Variants in UGT2B15 observed in about 807,000 individuals in gnomAD.
UGT2B15 encodes UDP-glucuronosyltransferase 2B15.
In UGT2B15, 36 loss-of-function variants were observed where a neutral mutation model predicts 45.9. The observed-to-expected ratio is 0.78, with a 90% CI of 0.60 to 1.04. The LOEUF (loss-of-function observed/expected upper bound fraction) is 1.04, where lower values mean the gene tolerates loss of function less well. UGT2B15 is among the 50% of genes least tolerant of loss of function. The probability of loss-of-function intolerance (pLI) is 0.00; values close to 1 mark genes in which losing one functional copy is unlikely to be tolerated. For missense variants in UGT2B15, 617 were observed against 622.4 expected, an observed-to-expected ratio of 0.99 and a Z score of 0.09; for synonymous variants, 219 against 216.4, an observed-to-expected ratio of 1.01 and a Z score of -0.11.
intron 2 of UGT2B15, among the ~76,000 whole-genome samples, chr4:68,664,992 C>T (rs1231589075): frequency 6.6e-6 from 1 of 152,130 alleles, no homozygotes; most frequent in Non-Finnish European, 1.5e-5. Flanking sequence ...TGTTTTGTCT[C>T]ATTCACTGCC....
intron 3 of UGT2B15, among the ~76,000 whole-genome samples, chr4:68,655,475 C>T (rs767847150): frequency 2.6e-5 from 4 of 152,050 alleles, no homozygotes; most frequent in Non-Finnish European, 4.4e-5. Context: ...AACCCAAACT[C>T]TATGCTAAAG....
chr4:68,655,049 A>G (rs1031046608), intron 4 of UGT2B15, 46 bp downstream of exon 4: 1 of 1,587,368 alleles, frequency 6.3e-7, no homozygotes, highest in African/African-American at 1.3e-5. Flanking sequence ...TATCACTCCA[A>G]TTTGCTGTTA....
Position 68,670,517 on chromosome 4 carries a change from G to A in UGT2B15, c.102C>T (p.Ser34=), listed in dbSNP as rs1733281290. The A allele has an allele frequency of 6.2e-7, 1 of 1,613,736 alleles. No homozygotes were observed. Among genetic ancestry groups the A allele is most frequent in the Non-Finnish European group, 8.5e-7 (1 of 1,179,944 alleles). The part of the protein sequence containing the change: ...GKVLVWPTEY[S]HWINMKTILE... ...GGATTGTCTTCATATTTATCCAATG[G>A]CTGTATTCTGTGGGCCACACTAGCA... The change falls in exon 1 of 6, where the codon AGC becomes AGT. Residue 34 remains serine (S), a synonymous_variant. Coordinates refer to ENST00000338206, the MANE Select transcript of UGT2B15 (RefSeq NM_001076.4).
At chr4:68,665,753 C>T (rs1043257418) in intron 2 of UGT2B15, among the ~76,000 whole-genome samples, 6 of 152,040 alleles carry the variant, frequency 3.9e-5, no homozygotes, top group Admixed American at 3.9e-4. Context: ...TTCAAGTCTA[C>T]CTTCTGCAAG....
At chr4:68,661,875 G>C (rs5029389) in intron 3 of UGT2B15, among the ~76,000 whole-genome samples, 1 of 152,040 alleles carries the variant, frequency 6.6e-6, no homozygotes, top group Non-Finnish European at 1.5e-5. Context: ...GTATTTTGCT[G>C]CATTTTGCTT....
At chr4:68,649,418 A>T (rs1560602413) in intron 5 of UGT2B15, among the ~76,000 whole-genome samples, 3 of 150,876 alleles carry the variant, frequency 2.0e-5, no homozygotes, top group Admixed American at 1.3e-4. Context: ...ATCTGGGACT[A>T]CAGGTGCTCA....
intron 5 of UGT2B15, among the ~76,000 whole-genome samples, chr4:68,647,611 G>C (rs1217478443): frequency 6.6e-6 from 1 of 152,152 alleles, no homozygotes; most frequent in South Asian, 2.1e-4. Context: ...GGAATTTTCG[G>C]TGGGAAAGTT....
chr4:68,664,524 A>C (rs1387893288), intron 2 of UGT2B15, among the ~76,000 whole-genome samples: 3 of 152,094 alleles, frequency 2.0e-5, no homozygotes, highest in African/African-American at 4.8e-5. Context: ...AATTCAGACC[A>C]TATATTGGTA....
At chr4:68,657,073 A>T (rs1428170921) in intron 3 of UGT2B15, among the ~76,000 whole-genome samples, 1 of 152,128 alleles carries the variant, frequency 6.6e-6, no homozygotes, top group Admixed American at 6.6e-5. Flanking sequence ...TTTATTCCCC[A>T]AATTAATCTC....
chr4:68,652,770 T>C (rs1732695221), intron 5 of UGT2B15, among the ~76,000 whole-genome samples: 1 of 151,430 alleles, frequency 6.6e-6, no homozygotes, highest in Admixed American at 6.6e-5. Flanking sequence ...GAAAATCACA[T>C]ATTTGATAAG....
At chr4:68,655,729 T>C (rs1227878806) in intron 3 of UGT2B15, among the ~76,000 whole-genome samples, 2 of 152,236 alleles carry the variant, frequency 1.3e-5, no homozygotes, top group Admixed American at 1.3e-4. Flanking sequence ...ATCTTATATA[T>C]GTTGATTGAT....
intron 2 of UGT2B15, 74 bp from the exon 3 acceptor site, chr4:68,663,213 C>T: frequency 6.7e-7 from 1 of 1,492,710 alleles, no homozygotes; most frequent in Non-Finnish European, 8.9e-7. Flanking sequence ...TTGTTACAAA[C>T]ATCTAAGATG....
chr4:68,654,158 C>A lies in UGT2B15; in HGVS notation c.1192G>T (p.Ala398Ser). The change falls in exon 5 of 6, where the codon GCG becomes TCG. Residue 398 changes from alanine (A) to serine (S), a missense_variant. By Grantham distance (99) the Ala-to-Ser change is moderately conservative. This residue lies in a region of UGT2B15 where 265 missense variants were observed against 245.1 expected (regional missense o/e 1.08). Coordinates refer to ENST00000338206, the MANE Select transcript of UGT2B15 (RefSeq NM_001076.4). Reference protein sequence around the residue: ...GIPMVGIPLFADQHDNIAHMK... With the variant: ...GIPMVGIPLFSDQHDNIAHMK... ...TGAGCAATGTTATCATGTTGATCCG[C>A]AAACAAGGGAATGCCCACCATAGGG... 6.2e-7 allele frequency: 1 copy of A among 1,613,566 alleles called. No individual in the cohort carries two copies. Among genetic ancestry groups the A allele is most frequent in the Non-Finnish European group, 8.5e-7 (1 of 1,179,700 alleles).
chr4:68,667,010 G>A (rs1192322973), intron 2 of UGT2B15, among the ~76,000 whole-genome samples: 2 of 151,984 alleles, frequency 1.3e-5, no homozygotes, highest in East Asian at 3.9e-4. Flanking sequence ...GCCTCCCAAA[G>A]TGCTGGGATT....
chr4:68,664,222 T>G (rs1232908023), intron 2 of UGT2B15, among the ~76,000 whole-genome samples: 2 of 148,814 alleles, frequency 1.3e-5, no homozygotes, highest in African/African-American at 2.5e-5. Flanking sequence ...TTTTTAAACT[T>G]AAATCCATTC....
rs764915831 is a variant in UGT2B15, at chr4:68,669,935, A to G, written c.684T>C (p.Tyr228=). The part of the protein sequence containing the change: ...MLYFDFWFQI[Y]DLKKWDQFYS... ...AAAACTGGTCCCACTTCTTCAGATCATAAATTTGAAACCAAAAGTCAAAAT... is the reference window on the plus strand; with the variant it reads ...AAAACTGGTCCCACTTCTTCAGATCGTAAATTTGAAACCAAAAGTCAAAAT... Residue 228 remains tyrosine, a synonymous_variant, in exon 1 of 6, where the codon TAT becomes TAC. Coordinates refer to ENST00000338206, the MANE Select transcript of UGT2B15 (RefSeq NM_001076.4). 9 of 1,613,204 alleles carry G rather than the reference A, an allele frequency of 5.6e-6. No homozygotes were observed. Among genetic ancestry groups the G allele is most frequent in the Non-Finnish European group, 7.6e-6 (9 of 1,179,826 alleles).
intron 5 of UGT2B15, among the ~76,000 whole-genome samples, chr4:68,647,609 CG>C (rs1424956704): frequency 5.3e-5 from 8 of 151,830 alleles, no homozygotes; most frequent in Non-Finnish European, 1.2e-4. Context: ...ATGGAATTTT[CG>C]GTGGGAAAGT....
chr4:68,665,813 G>A (rs557066513), intron 2 of UGT2B15, among the ~76,000 whole-genome samples: 1 of 152,242 alleles, frequency 6.6e-6, no homozygotes, highest in African/African-American at 2.4e-5. Flanking sequence ...TTGGGAGGCT[G>A]AGGCATGTGG....
chr4:68,648,631 T>A lies in UGT2B15; in HGVS notation c.1314-1248A>T, dbSNP rs183739789. On this transcript the variant is annotated intron_variant, in intron 5 of 5. Coordinates refer to ENST00000338206, the MANE Select transcript of UGT2B15 (RefSeq NM_001076.4). ...AATGTATATATACTATGTGACTACC[T>A]CAAAATTTTAAGATTATCTTAAACA... Among the ~76,000 whole-genome samples the A allele has an allele frequency of 2.3e-3, 343 of 152,160 alleles. 2 individuals are homozygous for A. The highest frequency in any genetic ancestry group is 2.7e-3 in the Non-Finnish European group (184 of 67,998).
Sources: gnomAD v4.1 joint callset for allele counts (sites outside exome capture counted in the v4.1 genomes callset) on GRCh38, gnomAD v4.1.1 for gene constraint, gnomAD v4.1.1 regional missense constraint, MANE v1.5 for transcripts, NCBI Gene and HGNC (gene_info 2026-07-23, HGNC 2026-07-21) for gene names.